The following SPOCK1 variants were observed in gnomAD, a reference collection of about 807,000 sequenced individuals.
The protein encoded by SPOCK1 is testican-1.
A neutral mutation model predicts 55.3 loss-of-function variants in SPOCK1; 23 were observed. The observed-to-expected ratio is 0.42, with a 90% CI of 0.30 to 0.59. The LOEUF (loss-of-function observed/expected upper bound fraction) is 0.59, where lower values mean the gene tolerates loss of function less well. Ranked by LOEUF, SPOCK1 falls within the 20% of genes least tolerant of loss-of-function variation. The probability of loss-of-function intolerance (pLI) is 0.22; values close to 1 mark genes in which losing one functional copy is unlikely to be tolerated. For synonymous variants in SPOCK1, 226 were observed against 221.0 expected, an observed-to-expected ratio of 1.02 and a Z score of -0.20; for missense variants, 499 against 552.5, an observed-to-expected ratio of 0.90 and a Z score of 0.97.
At chr5:136,997,113 C>T (rs760975165) in intron 6 of SPOCK1, among the ~76,000 whole-genome samples, 18 of 152,262 alleles carry the variant, frequency 1.2e-4, no homozygotes, top group East Asian at 7.7e-4. Flanking sequence ...CACGTTATGA[C>T]GTATCATTTT....
chr5:137,005,213 G>C (rs1026815406), intron 6 of SPOCK1, among the ~76,000 whole-genome samples: 1 of 152,156 alleles, frequency 6.6e-6, no homozygotes, highest in African/African-American at 2.4e-5. Context: ...CCTGAAGCAA[G>C]TGCCTTTGGA....
chr5:137,462,988 G>A (rs970981801), intron 2 of SPOCK1, among the ~76,000 whole-genome samples: 3 of 152,172 alleles, frequency 2.0e-5, no homozygotes, highest in African/African-American at 7.2e-5. Context: ...AGATGAGCAG[G>A]AGCCAAATCA....
intron 4 of SPOCK1, among the ~76,000 whole-genome samples, chr5:137,113,557 A>G (rs1753515000): frequency 6.6e-6 from 1 of 152,206 alleles, no homozygotes; most frequent in Non-Finnish European, 1.5e-5. Context: ...CGACCTTGGC[A>G]AGGTATTTAA....
chr5:137,426,654 A>T (rs576656031), intron 2 of SPOCK1, among the ~76,000 whole-genome samples: 2 of 152,324 alleles, frequency 1.3e-5, no homozygotes, highest in Admixed American at 1.3e-4. Flanking sequence ...ATATACCTAT[A>T]GGCCTTGCTC....
chr5:137,278,661 T>G (rs1757113431), intron 2 of SPOCK1, among the ~76,000 whole-genome samples: 1 of 152,190 alleles, frequency 6.6e-6, no homozygotes, highest in Admixed American at 6.5e-5. Flanking sequence ...GACGCAACTC[T>G]GTAATTGTTG....
At chr5:137,336,099 T>C (rs959110622) in intron 2 of SPOCK1, among the ~76,000 whole-genome samples, 4 of 152,202 alleles carry the variant, frequency 2.6e-5, no homozygotes, top group African/African-American at 7.2e-5. Flanking sequence ...CTCTGTACCA[T>C]GCTAACACAG....
chr5:137,087,441 G>C (rs1752979109), intron 5 of SPOCK1, among the ~76,000 whole-genome samples: 1 of 152,218 alleles, frequency 6.6e-6, no homozygotes, highest in African/African-American at 2.4e-5. Context: ...CTTAGCACTG[G>C]GCAGCACTCA....
intron 2 of SPOCK1, among the ~76,000 whole-genome samples, chr5:137,320,689 C>G (rs1344446187): frequency 6.6e-6 from 1 of 152,230 alleles, no homozygotes; most frequent in Non-Finnish European, 1.5e-5. Context: ...TGGGAAATTA[C>G]ACACACAAGC....
intron 7 of SPOCK1, among the ~76,000 whole-genome samples, chr5:136,991,670 A>C (rs750813128): frequency 2.0e-5 from 3 of 152,234 alleles, no homozygotes; most frequent in Non-Finnish European, 4.4e-5. Context: ...CTGTGGCCAA[A>C]CTACATATAT....
intron 2 of SPOCK1, among the ~76,000 whole-genome samples, chr5:137,375,161 A>G (rs976056073): frequency 1.5e-4 from 23 of 152,340 alleles, no homozygotes; most frequent in African/African-American, 5.1e-4. Context: ...TTTAAAAAAA[A>G]GTCAAGAAGT....
intron 2 of SPOCK1, among the ~76,000 whole-genome samples, chr5:137,374,419 C>T (rs1751267914): frequency 1.3e-5 from 2 of 152,318 alleles, no homozygotes; most frequent in South Asian, 4.1e-4. Context: ...GGTCCAGTTC[C>T]ACTCGTCAAG....
At chr5:137,438,817 G>A (rs1274341726) in intron 2 of SPOCK1, among the ~76,000 whole-genome samples, 1 of 152,212 alleles carries the variant, frequency 6.6e-6, no homozygotes, top group African/African-American at 2.4e-5. Flanking sequence ...AGACTAGACA[G>A]ACTCCCCAAT....
chr5:137,039,314 A>C (rs1751948621), intron 6 of SPOCK1, among the ~76,000 whole-genome samples: 1 of 111,654 alleles, frequency 9.0e-6, no homozygotes, highest in South Asian at 3.1e-4. Flanking sequence ...TGCAACGGGG[A>C]CATTCTGCCT....
At chr5:137,451,014 G>A (rs1448356329) in intron 2 of SPOCK1, among the ~76,000 whole-genome samples, 1 of 152,072 alleles carries the variant, frequency 6.6e-6, no homozygotes, top group Admixed American at 6.6e-5. Flanking sequence ...CCTGCTCAAA[G>A]CTCCTCAGTC....
chr5:137,464,130 C>G (rs1267902210), intron 2 of SPOCK1, among the ~76,000 whole-genome samples: 1 of 152,044 alleles, frequency 6.6e-6, no homozygotes, highest in Non-Finnish European at 1.5e-5. Context: ...AAAATTCCAT[C>G]TCTTAAATAA....
chr5:137,336,136 T>C (rs945040623), intron 2 of SPOCK1, among the ~76,000 whole-genome samples: 2 of 152,222 alleles, frequency 1.3e-5, no homozygotes, highest in Non-Finnish European at 2.9e-5. Flanking sequence ...GGTGTTAAGA[T>C]TGAGGACAAG....
At chr5:137,420,045 T>G (rs1222114526) in intron 2 of SPOCK1, among the ~76,000 whole-genome samples, 2 of 152,238 alleles carry the variant, frequency 1.3e-5, no homozygotes, top group Non-Finnish European at 2.9e-5. Flanking sequence ...CTGCATCTAT[T>G]GAGATAATCA....
chr5:137,428,158 C>A (rs529161370), intron 2 of SPOCK1, among the ~76,000 whole-genome samples: 1 of 152,288 alleles, frequency 6.6e-6, no homozygotes, highest in South Asian at 2.1e-4. Flanking sequence ...TCTTTGTAAC[C>A]TGGCTGGACT....
intron 2 of SPOCK1, among the ~76,000 whole-genome samples, chr5:137,444,244 C>A (rs1753076157): frequency 1.3e-5 from 2 of 152,168 alleles, no homozygotes; most frequent in Non-Finnish European, 2.9e-5. Flanking sequence ...CCCTGTCCAC[C>A]AGGCAGTTGC....
Sources: allele counts gnomAD v4.1 joint callset (sites outside exome capture counted in the v4.1 genomes callset), GRCh38; gene constraint gnomAD v4.1.1; transcripts MANE v1.5; gene names NCBI Gene and HGNC (gene_info 2026-07-23, HGNC 2026-07-21).